CCDC192: variants seen among roughly 807,000 people sequenced by gnomAD.
CCDC192 encodes coiled-coil domain-containing protein 192.
intron 6 of CCDC192, among the ~76,000 whole-genome samples, chr5:127,936,072 C>G (rs1436705037): frequency 6.6e-6 from 1 of 151,986 alleles, no homozygotes; most frequent in Non-Finnish European, 1.5e-5. Context: ...CCATCGCACT[C>G]CAGCCTGGGC....
chr5:127,848,074 A>G (rs1750642625), intron 5 of CCDC192, among the ~76,000 whole-genome samples: 1 of 151,820 alleles, frequency 6.6e-6, no homozygotes, highest in South Asian at 2.1e-4. Context: ...CTGGGATTAC[A>G]GTGATTTTTT....
chr5:127,913,349 C>T (rs1753428931), intron 6 of CCDC192, among the ~76,000 whole-genome samples: 1 of 152,196 alleles, frequency 6.6e-6, no homozygotes, highest in South Asian at 2.1e-4. Context: ...GTTCAGATTA[C>T]CATCTGTGAT....
At chr5:127,919,038 T>G (rs901017222) in intron 6 of CCDC192, among the ~76,000 whole-genome samples, 5 of 149,590 alleles carry the variant, frequency 3.3e-5, no homozygotes, top group African/African-American at 1.2e-4. Flanking sequence ...TATATATGTG[T>G]GTATATATCT....
At chr5:127,800,485 T>C (rs1483745261) in intron 5 of CCDC192, among the ~76,000 whole-genome samples, 1 of 144,324 alleles carries the variant, frequency 6.9e-6, no homozygotes, top group African/African-American at 2.6e-5. Context: ...GTACAAACAA[T>C]CTCCAAGAAC....
At chr5:127,901,717 CAT>C (rs1052580973) in intron 6 of CCDC192, among the ~76,000 whole-genome samples, 6 of 152,198 alleles carry the variant, frequency 3.9e-5, no homozygotes, top group African/African-American at 9.7e-5. Context: ...CCATTCCACA[CAT>C]GTTTGAAGGT....
chr5:127,847,449 A>G (rs1750606264), intron 5 of CCDC192, among the ~76,000 whole-genome samples: 1 of 152,232 alleles, frequency 6.6e-6, no homozygotes, highest in Non-Finnish European at 1.5e-5. Context: ...AGGTGAAAAC[A>G]GCCAATTTAA....
At chr5:127,782,946 G>C (rs1756320204) in intron 3 of CCDC192, among the ~76,000 whole-genome samples, 1 of 151,080 alleles carries the variant, frequency 6.6e-6, no homozygotes, top group South Asian at 2.1e-4. Context: ...CAGAGTTTTA[G>C]GGCTATGAAC....
At chr5:127,903,133 A>G (rs1753090745) in intron 6 of CCDC192, among the ~76,000 whole-genome samples, 1 of 152,052 alleles carries the variant, frequency 6.6e-6, no homozygotes, top group Non-Finnish European at 1.5e-5. Context: ...AGAGGCAGAC[A>G]CCAGCAGCTC....
intron 5 of CCDC192, among the ~76,000 whole-genome samples, chr5:127,831,379 CGTGT>C (rs368025620): frequency 6.6e-6 from 1 of 150,782 alleles, no homozygotes; most frequent in Non-Finnish European, 1.5e-5. Context: ...TATATGTGTG[CGTGT>C]GTGTGTGTGC....
At chr5:127,826,013 T>G (rs1749512805) in intron 5 of CCDC192, among the ~76,000 whole-genome samples, 2 of 152,234 alleles carry the variant, frequency 1.3e-5, no homozygotes, top group South Asian at 4.1e-4. Flanking sequence ...GGCCATTTAT[T>G]GAGGGTCATT....
At chr5:127,777,717 A>G (rs1346604690) in intron 3 of CCDC192, among the ~76,000 whole-genome samples, 4 of 152,134 alleles carry the variant, frequency 2.6e-5, no homozygotes, top group Non-Finnish European at 5.9e-5. Flanking sequence ...ATTCCCCCAT[A>G]CTGTTCTTGT....
chr5:127,861,595 C>A (rs150358809), intron 5 of CCDC192, among the ~76,000 whole-genome samples: 45 of 152,068 alleles, frequency 3.0e-4, no homozygotes, highest in African/African-American at 1.1e-3. Flanking sequence ...GTGGAGGTTG[C>A]GGTGAGCTGA....
In CCDC192 at chr5:127,876,635, C is replaced by A. The variant is rs561007986; in HGVS notation, c.535+974C>A. Among the ~76,000 whole-genome samples, 159 of 152,278 alleles carry A rather than the reference C, an allele frequency of 1.0e-3. 2 individuals carry two copies. The highest frequency in any genetic ancestry group is 3.6e-3 in the African/African-American group (149 of 41,566). On this transcript the variant is annotated intron_variant, in intron 6 of 6. Transcript: ENST00000514853. ...AAAAATGTCTTCCTTTGATGTGTGC[C>A]ACTCTTGCAAAGCCAGGAACATGCC...
rs574810642 is a variant in CCDC192, at chr5:127,780,159, G to A, written c.223-16944G>A. ...TATATATACACACACACATATATAC[G>A]TATACGCACACACATATATATATAT... On this transcript the variant is annotated intron_variant, in intron 3 of 6. Coordinates refer to ENST00000514853, the MANE Select transcript of CCDC192 (RefSeq NM_001317938.2). Among the ~76,000 whole-genome samples, 844 of 151,246 alleles carry A rather than the reference G, an allele frequency of 5.6e-3. 3 individuals are homozygous for A. The highest frequency in any genetic ancestry group is 0.02 in the African/African-American group (815 of 41,108).
intron 5 of CCDC192, among the ~76,000 whole-genome samples, chr5:127,860,470 A>G (rs912910463): frequency 6.6e-6 from 1 of 152,350 alleles, no homozygotes; most frequent in East Asian, 1.9e-4. Flanking sequence ...TCCAACAGAA[A>G]TGTTCAATTC....
chr5:127,754,491 A>G (rs927231904), intron 3 of CCDC192, 116 bp downstream of exon 3: 21 of 349,130 alleles, frequency 6.0e-5, no homozygotes, highest in Middle Eastern at 1.4e-3. Context: ...ACACACACAC[A>G]CATACACACA....
chr5:127,932,904 G>T (rs1301681374), intron 6 of CCDC192, among the ~76,000 whole-genome samples: 1 of 152,212 alleles, frequency 6.6e-6, no homozygotes, highest in African/African-American at 2.4e-5. Context: ...AATGGGGCTT[G>T]GGTTGAAATT....
intron 6 of CCDC192, among the ~76,000 whole-genome samples, chr5:127,918,933 CTG>C (rs1460959436): frequency 2.0e-5 from 3 of 149,148 alleles, no homozygotes; most frequent in Admixed American, 6.7e-5. Context: ...ATGTGTGTCT[CTG>C]TGTGTATATA....
chr5:127,721,497 G>C (rs113641725), intron 2 of CCDC192, among the ~76,000 whole-genome samples: 8,417 of 152,200 alleles, frequency 0.055, 534 homozygotes, highest in East Asian at 0.27. Flanking sequence ...AACCATTCAA[G>C]AAGTCTCTAG....
Sources: gnomAD v4.1 joint callset for allele counts (sites outside exome capture counted in the v4.1 genomes callset) on GRCh38, gnomAD v4.1.1 for gene constraint, MANE v1.5 for transcripts, NCBI Gene and HGNC (gene_info 2026-07-23, HGNC 2026-07-21) for gene names.